TFEC: variants seen among roughly 807,000 people sequenced by gnomAD.
TFEC encodes class E basic helix-loop-helix protein 34.
TFEC carries 31 observed loss-of-function variants against 41.6 expected under a neutral mutation model. That is an observed-to-expected ratio of 0.74 (90% CI 0.56 to 1.01). The LOEUF (loss-of-function observed/expected upper bound fraction) is 1.01, where lower values mean the gene tolerates loss of function less well. Among genes scored for constraint, TFEC ranks in the 50% least tolerant of loss-of-function variants. The pLI is 0.00. For missense variants in TFEC, 402 were observed against 404.1 expected (o/e 0.99, Z 0.04); for synonymous variants, 143 against 140.6 (o/e 1.02, Z -0.12).
chr7:116,017,409 A>C (rs1263735736), intron 1 of TFEC, among the ~76,000 whole-genome samples: 2 of 152,100 alleles, frequency 1.3e-5, no homozygotes, highest in African/African-American at 4.8e-5. Flanking sequence ...TTTTTCGTAG[A>C]GATGGAGTTT....
chr7:116,148,898 T>C (rs1389710063), intron 1 of TFEC, among the ~76,000 whole-genome samples: 1 of 146,174 alleles, frequency 6.8e-6, no homozygotes, highest in Non-Finnish European at 1.5e-5. Flanking sequence ...GGACTGTAGA[T>C]ACAGAAAAAA....
chr7:115,951,026 A>AG, intron 5 of TFEC, 77 bp from the exon 6 acceptor site: 1 of 820,612 alleles, frequency 1.2e-6, no homozygotes, highest in Non-Finnish European at 1.8e-6. Context: ...CATTTTTAAC[A>AG]ATCTTTTAAA....
Position 116,014,079 on chromosome 7 carries a change from T to A in TFEC, c.-73+16554A>T, listed in dbSNP as rs190070407. 6.6e-5 allele frequency among the ~76,000 whole-genome samples: 10 copies of A among 152,202 alleles called. No homozygotes were observed. The East Asian group carries it at 1.7e-3, about 26-fold the overall frequency. ...CCCAGCCTTCTTCTCCAGGAGAAAT[T>A]TTAGTTTCTTGAGATCATCTTTACT... On this transcript the variant is annotated intron_variant, in intron 1 of 7. Coordinates refer to ENST00000265440, the MANE Select transcript of TFEC (RefSeq NM_012252.4).
chr7:116,047,527 C>G (rs557301455), intron 3 of TFEC, among the ~76,000 whole-genome samples: 2 of 152,102 alleles, frequency 1.3e-5, no homozygotes, highest in African/African-American at 4.8e-5. Context: ...TGGAGCCCAC[C>G]GCAGCTCAAG....
Position 115,935,670 on chromosome 7 carries a change from A to G in TFEC, c.*4881T>C, listed in dbSNP as rs1793194150. On this transcript the variant is annotated 3_prime_UTR_variant, in exon 8 of 8. Coordinates refer to ENST00000265440, the MANE Select transcript of TFEC (RefSeq NM_012252.4). ...TACATAAACTACCAGCTTTAGCACA[A>G]GAACAAAATTTATATTCTATGGAAA... 6.6e-6 allele frequency: 1 copy of G among 151,670 alleles called. No homozygotes were observed. The highest frequency in any genetic ancestry group is 1.5e-5 in the Non-Finnish European group (1 of 67,630). The allele number at this position is 151,670 out of a possible 1,614,324, so 9.4% of individuals were successfully genotyped here.
At chr7:116,143,035 A>T (rs1431001069) in intron 1 of TFEC, among the ~76,000 whole-genome samples, 1 of 152,210 alleles carries the variant, frequency 6.6e-6, no homozygotes, top group East Asian at 1.9e-4. Context: ...GACTACGTTC[A>T]GTCTCACAGG....
intron 1 of TFEC, among the ~76,000 whole-genome samples, chr7:115,997,394 C>T (rs1794409846): frequency 6.6e-6 from 1 of 152,306 alleles, no homozygotes; most frequent in South Asian, 2.1e-4. Context: ...TAGCTGCCTC[C>T]TAATGCAGAT....
intron 3 of TFEC, among the ~76,000 whole-genome samples, chr7:116,101,101 C>A (rs760446748): frequency 1.6e-4 from 24 of 152,050 alleles, no homozygotes; most frequent in Non-Finnish European, 3.1e-4. Context: ...TTGGTATAAA[C>A]TTCAATTCAC....
intron 1 of TFEC, among the ~76,000 whole-genome samples, chr7:115,989,473 G>T: frequency 6.6e-6 from 1 of 152,338 alleles, no homozygotes; most frequent in East Asian, 1.9e-4. Context: ...AGCATAAGGG[G>T]TCGGGGAATT....
At chr7:116,158,220 G>T (rs1421921646) in intron 1 of TFEC, among the ~76,000 whole-genome samples, 1 of 151,984 alleles carries the variant, frequency 6.6e-6, no homozygotes, top group Non-Finnish European at 1.5e-5. Flanking sequence ...AATTTTTTCA[G>T]TATAATGCTA....
intron 1 of TFEC, among the ~76,000 whole-genome samples, chr7:116,134,416 A>T (rs1798396374): frequency 6.6e-6 from 1 of 152,170 alleles, no homozygotes; most frequent in Non-Finnish European, 1.5e-5. Flanking sequence ...ATTGTACACA[A>T]ATTGAATCAC....
At chr7:115,964,143 G>A (rs1792720277) in intron 3 of TFEC, among the ~76,000 whole-genome samples, 2 of 151,516 alleles carry the variant, frequency 1.3e-5, no homozygotes, top group Non-Finnish European at 1.5e-5. Flanking sequence ...TAAATGCTTA[G>A]ACAAAATGCA....
rs957576731 is a variant in TFEC at position 115,941,133 on chromosome 7, T to A, written c.664-202A>T. ...ATAACTCTGAGAAAATTACTCAGAC[T>A]TTTTTTTAAGTTTGGTCTCATTGTT... On this transcript the variant is annotated intron_variant, in intron 7 of 7. Coordinates refer to ENST00000265440, the MANE Select transcript of TFEC (RefSeq NM_012252.4). 5 of 538,940 alleles carry A rather than the reference T, an allele frequency of 9.3e-6. No individual in the cohort carries two copies. The Admixed American group carries it at 1.1e-4, about 12-fold the overall frequency. 33.4% of individuals were successfully genotyped at this position (538,940 alleles called of 1,614,324 possible).
chr7:116,138,706 T>C (rs1407233039), intron 1 of TFEC, among the ~76,000 whole-genome samples: 2 of 152,208 alleles, frequency 1.3e-5, no homozygotes, highest in Non-Finnish European at 2.9e-5. Context: ...TTCATAGCCT[T>C]GCAAAGGAAG....
At chr7:115,954,511 T>C in intron 5 of TFEC, 75 bp downstream of exon 5, 1 of 1,237,702 alleles carries the variant, frequency 8.1e-7, no homozygotes, top group Non-Finnish European at 1.1e-6. Context: ...TTATGGAGTA[T>C]AATAAAAGAC....
At chr7:116,149,559 T>C (rs1185657874) in intron 1 of TFEC, among the ~76,000 whole-genome samples, 1 of 152,168 alleles carries the variant, frequency 6.6e-6, no homozygotes, top group Non-Finnish European at 1.5e-5. Flanking sequence ...TTATAAAAAC[T>C]CTTTCAAAGT....
chr7:115,965,452 T>C (rs1204165824), intron 3 of TFEC, among the ~76,000 whole-genome samples: 1 of 151,722 alleles, frequency 6.6e-6, no homozygotes, highest in African/African-American at 2.4e-5. Flanking sequence ...CCATTACACA[T>C]TTGCTTACTG....
intron 5 of TFEC, 52 bp downstream of exon 5, chr7:115,954,534 C>A: frequency 6.7e-7 from 1 of 1,497,996 alleles, no homozygotes; most frequent in Non-Finnish European, 9.2e-7. Context: ...CACACCTTAA[C>A]CTCTATGCAT....
intron 1 of TFEC, among the ~76,000 whole-genome samples, chr7:116,134,537 A>C (rs549908032): frequency 1.3e-5 from 2 of 152,152 alleles, no homozygotes; most frequent in African/African-American, 4.8e-5. Context: ...TTTTTTATTC[A>C]CTTCTTTTTA....
Sources: gnomAD v4.1 joint callset for allele counts (sites outside exome capture counted in the v4.1 genomes callset) on GRCh38, gnomAD v4.1.1 for gene constraint, MANE v1.5 for transcripts, NCBI Gene and HGNC (gene_info 2026-07-23, HGNC 2026-07-21) for gene names.